CNTN5: variants seen among roughly 807,000 people sequenced by gnomAD.
CNTN5 encodes contactin-5.
CNTN5 carries 77 observed loss-of-function variants against 129.1 expected under a neutral mutation model. The ratio of observed to expected loss-of-function variants is 0.60; its 90% CI spans 0.50 to 0.72. CNTN5 has a LOEUF of 0.72. Ranked by LOEUF, CNTN5 falls within the 30% of genes least tolerant of loss-of-function variation. The probability of loss-of-function intolerance (pLI) is 0.00; values close to 1 mark genes in which losing one functional copy is unlikely to be tolerated. For synonymous variants in CNTN5, 509 were observed against 465.6 expected, an observed-to-expected ratio of 1.09 and a Z score of -1.20; for missense variants, 1,478 against 1,328.8, an observed-to-expected ratio of 1.11 and a Z score of -1.75.
At chr11:99,675,054 G>T (rs571774215) in intron 3 of CNTN5, among the ~76,000 whole-genome samples, 3 of 142,748 alleles carry the variant, frequency 2.1e-5, no homozygotes, top group East Asian at 4.0e-4. Context: ...GTTTCAGGCT[G>T]ACACTAGGGA....
At chr11:100,266,691 G>A (rs1254673701) in intron 17 of CNTN5, among the ~76,000 whole-genome samples, 14 of 144,970 alleles carry the variant, frequency 9.7e-5, no homozygotes, top group African/African-American at 3.3e-4. Flanking sequence ...ATATGGACTT[G>A]GAAAGGGAGT....
At chr11:99,553,085 A>C (rs1339661214) in intron 2 of CNTN5, among the ~76,000 whole-genome samples, 1 of 152,194 alleles carries the variant, frequency 6.6e-6, no homozygotes, top group Non-Finnish European at 1.5e-5. Context: ...TATTTGCAAT[A>C]GTTCAGAGGA....
chr11:99,395,968 A>G (rs1941502017), intron 2 of CNTN5, among the ~76,000 whole-genome samples: 1 of 151,860 alleles, frequency 6.6e-6, no homozygotes, highest in Non-Finnish European at 1.5e-5. Flanking sequence ...GTTTGAAGTC[A>G]GGTAGTGTGG....
At chr11:99,927,502 G>C (rs781535526) in intron 7 of CNTN5, among the ~76,000 whole-genome samples, 1 of 152,078 alleles carries the variant, frequency 6.6e-6, no homozygotes, top group Non-Finnish European at 1.5e-5. Flanking sequence ...GCAGGGCTGG[G>C]GGCCTCAGGA....
chr11:99,349,971 A>G (rs1380514368), intron 2 of CNTN5, among the ~76,000 whole-genome samples: 1 of 152,188 alleles, frequency 6.6e-6, no homozygotes, highest in Non-Finnish European at 1.5e-5. Context: ...GCCTACCTAT[A>G]TACATAATTA....
At chr11:100,266,178 G>C (rs1565383691) in intron 17 of CNTN5, among the ~76,000 whole-genome samples, 1 of 151,974 alleles carries the variant, frequency 6.6e-6, no homozygotes, top group African/African-American at 2.4e-5. Context: ...GGATCACTTA[G>C]GGCCAGGAGA....
intron 1 of CNTN5, among the ~76,000 whole-genome samples, chr11:99,132,316 T>C (rs1051356677): frequency 6.6e-6 from 1 of 152,140 alleles, no homozygotes; most frequent in South Asian, 2.1e-4. Flanking sequence ...GGGCAACAGC[T>C]GGAAGCATTC....
intron 2 of CNTN5, among the ~76,000 whole-genome samples, chr11:99,503,200 C>T (rs1262356289): frequency 1.3e-5 from 2 of 152,164 alleles, no homozygotes; most frequent in Non-Finnish European, 2.9e-5. Flanking sequence ...CCCTTCACTT[C>T]CTTAATGTGT....
chr11:99,868,327 C>T (rs1014045539), intron 6 of CNTN5, among the ~76,000 whole-genome samples: 7 of 151,938 alleles, frequency 4.6e-5, no homozygotes, highest in African/African-American at 1.7e-4. Context: ...AGAGCTTAAG[C>T]CAACATTTGT....
chr11:100,003,759 C>G (rs945320919), intron 9 of CNTN5: 1 of 152,128 alleles, frequency 6.6e-6, no homozygotes, highest in Admixed American at 6.6e-5. Context: ...ATGTTATTTT[C>G]TTCAACCTTT....
chr11:99,151,860 C>T (rs571864906), intron 1 of CNTN5, among the ~76,000 whole-genome samples: 140 of 151,592 alleles, frequency 9.2e-4, no homozygotes, highest in African/African-American at 2.9e-3. Flanking sequence ...CATCACACAC[C>T]GGGGCCTGTC....
chr11:99,051,017 ATTAT>A (rs1864407019), intron 1 of CNTN5, among the ~76,000 whole-genome samples: 1 of 151,860 alleles, frequency 6.6e-6, no homozygotes. Context: ...TAATACTTGC[ATTAT>A]TTGAGTTGTA....
At chr11:99,040,190 A>G (rs543376978) in intron 1 of CNTN5, among the ~76,000 whole-genome samples, 1 of 152,276 alleles carries the variant, frequency 6.6e-6, no homozygotes, top group Non-Finnish European at 1.5e-5. Flanking sequence ...TGATACAAAT[A>G]CATGCAAACT....
chr11:99,066,170 C>T (rs1165609644), intron 1 of CNTN5, among the ~76,000 whole-genome samples: 1 of 152,188 alleles, frequency 6.6e-6, no homozygotes, highest in African/African-American at 2.4e-5. Context: ...ATAGCACAAT[C>T]TCAGCTCACT....
intron 1 of CNTN5, among the ~76,000 whole-genome samples, chr11:99,249,715 A>G (rs1862002884): frequency 6.6e-6 from 1 of 151,988 alleles, no homozygotes; most frequent in Non-Finnish European, 1.5e-5. Context: ...TATATAATAT[A>G]TTGATACCTG....
At chr11:99,147,799 A>C (rs1227091146) in intron 1 of CNTN5, among the ~76,000 whole-genome samples, 2 of 152,190 alleles carry the variant, frequency 1.3e-5, no homozygotes, top group Non-Finnish European at 2.9e-5. Flanking sequence ...AAAACTACAG[A>C]GACCTATTGT....
chr11:100,291,963 CA>C lies in CNTN5; in HGVS notation c.2315-5661del, dbSNP rs200914441. Among the ~76,000 whole-genome samples, 699 of 151,944 alleles carry C rather than the reference CA, an allele frequency of 4.6e-3. 7 individuals are homozygous for C. In the East Asian group the frequency reaches 0.052, roughly 11 times the overall value. The stretch of plus-strand genomic sequence containing the variant: ...CTATGCTCAATGTGATCCCAAACCT[CA>C]GCCTCAAATAAATCCTAAGCACTTT... On this transcript the variant is annotated intron_variant, in intron 18 of 24. Coordinates refer to ENST00000524871, the MANE Select transcript of CNTN5 (RefSeq NM_014361.4).
At position 99,817,175 on chromosome 11, in the gene CNTN5, A is replaced by G. The variant is rs115098570; in HGVS notation, c.56-2369A>G. Among the ~76,000 whole-genome samples, 286 of 152,298 alleles carry G rather than the reference A, an allele frequency of 1.9e-3. 2 individuals are homozygous for G. Among genetic ancestry groups the G allele is most frequent in the African/African-American group, 6.4e-3 (268 of 41,562 alleles). ...CAGGATTATTCACTTTTGTTTCCCT[A>G]GCATTTGGCACCTACTAAGTTGTTA... On this transcript the variant is annotated intron_variant, in intron 3 of 24. Transcript: ENST00000524871.
chr11:99,064,764 G>T (rs926090914), intron 1 of CNTN5, among the ~76,000 whole-genome samples: 4 of 151,896 alleles, frequency 2.6e-5, no homozygotes, highest in African/African-American at 9.7e-5. Flanking sequence ...AAAGTATGTT[G>T]TGTCAAAATT....
Sources: gnomAD v4.1 joint callset for allele counts (sites outside exome capture counted in the v4.1 genomes callset) on GRCh38, gnomAD v4.1.1 for gene constraint, MANE v1.5 for transcripts, NCBI Gene and HGNC (gene_info 2026-07-23, HGNC 2026-07-21) for gene names.